GPR89A: variants seen among roughly 807,000 people sequenced by gnomAD.
The protein encoded by GPR89A is G protein-coupled receptor 89A.
GPR89A carries 16 observed loss-of-function variants against 52.0 expected under a neutral mutation model. That is an observed-to-expected ratio of 0.31 (90% confidence interval 0.21 to 0.47). The LOEUF is 0.47. GPR89A is among the 20% of genes least tolerant of loss of function. The probability of loss-of-function intolerance (pLI) is 1.00; values close to 1 mark genes in which losing one functional copy is unlikely to be tolerated. For missense variants in GPR89A, 135 were observed against 449.4 expected (o/e 0.30, Z 6.33); for synonymous variants, 55 against 150.9 (o/e 0.36, Z 4.66).
rs1168009591 is a variant in GPR89A at position 145,616,431 on chromosome 1, C to G, written c.102+138C>G. 7 of 750,370 alleles carry G rather than the reference C, an allele frequency of 9.3e-6. No homozygotes were observed. In the South Asian group the frequency reaches 9.9e-5, roughly 11 times the overall value. The allele number at this position is 750,370 out of a possible 1,614,324, so 46.5% of individuals were successfully genotyped here. A position where few individuals can be genotyped will look rare whatever the true frequency, so the allele number is the denominator to read the frequency against. On this transcript the variant is annotated intron_variant, in intron 2 of 13. Coordinates refer to ENST00000313835, the MANE Select transcript of GPR89A (RefSeq NM_001097612.2). ...TAAGTACTATATAACTATTAGATTG[C>G]AGAATATAAGTAGACTTAATTGATT... is the stretch of plus-strand genomic sequence containing the variant.
intron 7 of GPR89A, among the ~76,000 whole-genome samples, chr1:145,636,082 A>C (rs1268437229): frequency 6.6e-6 from 1 of 152,116 alleles, no homozygotes. Flanking sequence ...TTCCCCTATA[A>C]TGCATTGTCT....
rs587687788 is a variant in GPR89A, at chr1:145,663,086, A to T, written c.910-243A>T. On this transcript the variant is annotated intron_variant, in intron 10 of 13. Coordinates refer to ENST00000313835, the MANE Select transcript of GPR89A (RefSeq NM_001097612.2). The stretch of plus-strand genomic sequence containing the variant: ...CTGATAAATTAAGGCATAATGCCGT[A>T]GCTTTATTCCCATTGACTCTTTACA... 2.6e-5 allele frequency among the ~76,000 whole-genome samples: 4 copies of T among 152,318 alleles called. No individual in the cohort carries two copies. In the South Asian group the frequency reaches 6.2e-4, roughly 24 times the overall value.
At chr1:145,635,231 C>T (rs1650143881) in intron 7 of GPR89A, among the ~76,000 whole-genome samples, 1 of 152,024 alleles carries the variant, frequency 6.6e-6, no homozygotes, top group Non-Finnish European at 1.5e-5. Flanking sequence ...ACGGTGAAAC[C>T]CCATCTCTAC....
At chr1:145,657,448 C>A (rs1391421152) in intron 10 of GPR89A, among the ~76,000 whole-genome samples, 1 of 149,540 alleles carries the variant, frequency 6.7e-6, no homozygotes, top group Non-Finnish European at 1.5e-5. Flanking sequence ...GTTTTCTTTT[C>A]TCATAATGTC....
chr1:145,649,935 A>T (rs1253043205), intron 10 of GPR89A, among the ~76,000 whole-genome samples: 2 of 148,860 alleles, frequency 1.3e-5, no homozygotes, highest in Non-Finnish European at 3.0e-5. Flanking sequence ...TTTTTTTCCC[A>T]CCCATATTTT....
chr1:145,669,034 T>C (rs1265024224), intron 12 of GPR89A, among the ~76,000 whole-genome samples: 1 of 151,914 alleles, frequency 6.6e-6, no homozygotes, highest in Non-Finnish European at 1.5e-5. Context: ...CTTTTTTTGT[T>C]GTGTCTCTGC....
intron 12 of GPR89A, among the ~76,000 whole-genome samples, chr1:145,669,178 G>A (rs1349052162): frequency 6.6e-6 from 1 of 151,214 alleles, no homozygotes; most frequent in Non-Finnish European, 1.5e-5. Context: ...GTCCTCTCTG[G>A]TAGGAAAGGT....
intron 12 of GPR89A, among the ~76,000 whole-genome samples, chr1:145,668,437 G>C (rs1553696847): frequency 6.6e-6 from 1 of 152,176 alleles, no homozygotes; most frequent in Non-Finnish European, 1.5e-5. Context: ...CTGAGACTTT[G>C]CTGAAGTTGC....
rs1651059758 is a variant in GPR89A, at chr1:145,647,269, T to TA, written c.909+4dup. The TA allele has an allele frequency of 1.9e-6, 3 of 1,555,054 alleles. No homozygotes were observed. The highest frequency in any genetic ancestry group is 2.6e-6 in the Non-Finnish European group (3 of 1,149,458). Reference sequence around the variant, plus strand: ...TACTGTGTTTGGAAAATTTTCATGGTAAGTATGTTATTTTTAATTATCAGA... The same window carrying TA: ...TACTGTGTTTGGAAAATTTTCATGGTAAAGTATGTTATTTTTAATTATCAGA... On this transcript the variant is annotated splice_region_variant and intron_variant, in intron 10 of 13. Coordinates refer to ENST00000313835, the MANE Select transcript of GPR89A (RefSeq NM_001097612.2).
chr1:145,645,328 G>A (rs1650907942), intron 8 of GPR89A: 2 of 330,854 alleles, frequency 6.0e-6, no homozygotes, highest in Non-Finnish European at 5.9e-6. Context: ...AAAAATCAGA[G>A]AGGAGGGAGG....
Position 145,609,121 on chromosome 1 carries a change from C to T in GPR89A, c.42+946C>T, listed in dbSNP as rs34514336. Among the ~76,000 whole-genome samples, 15 of 152,300 alleles carry T rather than the reference C, an allele frequency of 9.8e-5. No homozygotes were observed. In the South Asian group the frequency reaches 1.7e-3, roughly 17 times the overall value. On this transcript the variant is annotated intron_variant, in intron 1 of 13. Coordinates refer to ENST00000313835, the MANE Select transcript of GPR89A (RefSeq NM_001097612.2). ...AGACTGCCTGTTGACCTTCTTCCCC[C>T]CATCTTTCCAATAAAGATTTTGTGT...
intron 10 of GPR89A, among the ~76,000 whole-genome samples, chr1:145,662,277 G>A (rs2262349): frequency 1.3e-5 from 2 of 152,118 alleles, no homozygotes; most frequent in East Asian, 1.9e-4. Flanking sequence ...GTCATTAGGT[G>A]TATAAACATT....
At chr1:145,649,017 G>C (rs1158054538) in intron 10 of GPR89A, among the ~76,000 whole-genome samples, 2 of 148,216 alleles carry the variant, frequency 1.3e-5, no homozygotes, top group African/African-American at 5.0e-5. Context: ...TCTTGGCCAG[G>C]ATGGTCTCGA....
At chr1:145,609,922 C>G (rs1258397804) in intron 1 of GPR89A, among the ~76,000 whole-genome samples, 4 of 152,150 alleles carry the variant, frequency 2.6e-5, no homozygotes, top group African/African-American at 9.7e-5. Context: ...GAAGGTCTTA[C>G]CTGACACCCT....
chr1:145,608,088 C>T lies in GPR89A; in HGVS notation c.-46C>T, dbSNP rs371460462. ...GCCTGTGGCCCCAGCGTGCTGTGGC[C>T]TCGGGGAGTGGGAAGTGGAGGCAGG... On this transcript the variant is annotated 5_prime_UTR_variant, in exon 1 of 14. Transcript: ENST00000313835. 6,699 of 1,612,430 alleles carry T rather than the reference C, an allele frequency of 4.2e-3. 34 individuals are homozygous for T. Among genetic ancestry groups the T allele is most frequent in the Non-Finnish European group, 4.6e-3 (5,396 of 1,178,840 alleles).
Position 145,649,223 on chromosome 1 carries a change from G to A in GPR89A, c.909+1956G>A, listed in dbSNP as rs587756848. On this transcript the variant is annotated intron_variant, in intron 10 of 13. Transcript: ENST00000313835. Reference sequence around the variant, plus strand: ...ATACCTATGCAACAACCATCACCACGGTCAAGACAGAGAACACATCCATCC... The same window carrying A: ...ATACCTATGCAACAACCATCACCACAGTCAAGACAGAGAACACATCCATCC... Among the ~76,000 whole-genome samples the A allele has an allele frequency of 1.3e-4, 20 of 151,492 alleles. No individual in the cohort carries two copies. The East Asian group carries it at 3.9e-3, about 29-fold the overall frequency.
Position 145,608,076 on chromosome 1 carries a change from G to A in GPR89A, c.-58G>A. On this transcript the variant is annotated 5_prime_UTR_variant, in exon 1 of 14. Coordinates refer to ENST00000313835, the MANE Select transcript of GPR89A (RefSeq NM_001097612.2). ...CCGTGTGAGGGGGCCTGTGGCCCCA[G>A]CGTGCTGTGGCCTCGGGGAGTGGGA... 1 of 1,607,926 alleles carries A rather than the reference G, an allele frequency of 6.2e-7. No homozygotes were observed. The highest frequency in any genetic ancestry group is 8.5e-7 in the Non-Finnish European group (1 of 1,175,196).
intron 12 of GPR89A, among the ~76,000 whole-genome samples, chr1:145,668,204 C>T (rs1166526972): frequency 6.6e-6 from 1 of 152,174 alleles, no homozygotes; most frequent in Non-Finnish European, 1.5e-5. Context: ...TATCCATGAG[C>T]ATGGAATGTT....
intron 5 of GPR89A, 67 bp downstream of exon 5, chr1:145,623,781 A>G (rs1649303530): frequency 6.3e-7 from 1 of 1,578,640 alleles, no homozygotes; most frequent in Non-Finnish European, 8.5e-7. Context: ...GATTTCAAAA[A>G]CAATTAATTA....
Sources: allele counts gnomAD v4.1 joint callset (sites outside exome capture counted in the v4.1 genomes callset), GRCh38; gene constraint gnomAD v4.1.1; transcripts MANE v1.5; gene names NCBI Gene and HGNC (gene_info 2026-07-23, HGNC 2026-07-21).